NRG1: variants seen among roughly 807,000 people sequenced by gnomAD.
The protein encoded by NRG1 is pro-neuregulin-1, membrane-bound isoform.
A neutral mutation model predicts 63.8 loss-of-function variants in NRG1; 18 were observed. The ratio of observed to expected loss-of-function variants is 0.28; its 90% confidence interval spans 0.19 to 0.42. The LOEUF (loss-of-function observed/expected upper bound fraction) is 0.42, where lower values mean the gene tolerates loss of function less well. Among genes scored for constraint, NRG1 ranks in the 10% least tolerant of loss-of-function variants. The pLI, the probability that NRG1 is intolerant of heterozygous loss-of-function variation, is 1.00. For synonymous variants in NRG1, 302 were observed against 301.3 expected (o/e 1.00, Z -0.02); for missense variants, 762 against 814.7 (o/e 0.94, Z 0.79).
chr8:31,843,043 G>T (rs184035343), intron 1 of NRG1, among the ~76,000 whole-genome samples: 1 of 152,008 alleles, frequency 6.6e-6, no homozygotes. Flanking sequence ...AACTATAAAG[G>T]TTATTTTGCT....
chr8:32,254,183 A>C (rs1312910442), intron 1 of NRG1, among the ~76,000 whole-genome samples: 1 of 151,854 alleles, frequency 6.6e-6, no homozygotes, highest in South Asian at 2.1e-4. Flanking sequence ...TCATGTCTCT[A>C]TCTCCTTCCG....
At chr8:32,311,951 CT>C (rs900125485) in intron 1 of NRG1, among the ~76,000 whole-genome samples, 19 of 152,210 alleles carry the variant, frequency 1.2e-4, no homozygotes, top group African/African-American at 4.1e-4. Context: ...CTTCCGATTT[CT>C]TTTTTCTCTA....
At chr8:32,582,186 C>G (rs1840791585) in intron 1 of NRG1, among the ~76,000 whole-genome samples, 1 of 151,576 alleles carries the variant, frequency 6.6e-6, no homozygotes, top group Non-Finnish European at 1.5e-5. Flanking sequence ...AAGCCTAAAC[C>G]TCCTGGGCTC....
At chr8:32,048,200 G>A (rs929394196) in intron 1 of NRG1, among the ~76,000 whole-genome samples, 2 of 151,524 alleles carry the variant, frequency 1.3e-5, no homozygotes, top group Non-Finnish European at 2.9e-5. Context: ...GAATGGTGCT[G>A]CAGTAAACAC....
chr8:32,527,599 A>G (rs532088146), intron 1 of NRG1, among the ~76,000 whole-genome samples: 22 of 144,638 alleles, frequency 1.5e-4, no homozygotes, highest in Non-Finnish European at 2.5e-4. Context: ...GCTATTCAGT[A>G]TATCAGTATA....
chr8:32,758,686 CTT>C (rs1342415355), intron 9 of NRG1, among the ~76,000 whole-genome samples: 3 of 151,026 alleles, frequency 2.0e-5, no homozygotes, highest in Non-Finnish European at 4.4e-5. Context: ...ATATTATGTG[CTT>C]TGTCAAGATG....
intron 1 of NRG1, among the ~76,000 whole-genome samples, chr8:32,479,892 C>T (rs1039396317): frequency 1.3e-5 from 2 of 152,088 alleles, no homozygotes; most frequent in Admixed American, 6.5e-5. Flanking sequence ...TTGTGATGTA[C>T]CCACCTTGGC....
chr8:32,182,090 G>T (rs980638924), intron 1 of NRG1, among the ~76,000 whole-genome samples: 4 of 152,332 alleles, frequency 2.6e-5, no homozygotes, highest in Middle Eastern at 3.4e-3. Flanking sequence ...GATCAGCTGA[G>T]GTTGGCTGTT....
At chr8:32,705,745 G>A (rs138092463) in intron 5 of NRG1, among the ~76,000 whole-genome samples, 1 of 152,300 alleles carries the variant, frequency 6.6e-6, no homozygotes, top group East Asian at 1.9e-4. Flanking sequence ...CATCATTGGT[G>A]TATATCAAGT....
At chr8:31,906,615 AAG>A (rs1337285631) in intron 1 of NRG1, among the ~76,000 whole-genome samples, 4 of 152,174 alleles carry the variant, frequency 2.6e-5, no homozygotes, top group African/African-American at 9.6e-5. Flanking sequence ...CAGTACTTTT[AAG>A]AAAGAATTAT....
chr8:32,683,906 A>G (rs1259473295), intron 5 of NRG1, among the ~76,000 whole-genome samples: 2 of 150,294 alleles, frequency 1.3e-5, no homozygotes, highest in Admixed American at 6.6e-5. Flanking sequence ...AAAAAAAAAG[A>G]AAATCTGGCC....
Position 31,731,947 on chromosome 8 carries a change from A to G in NRG1, c.37+92516A>G, listed in dbSNP as rs1048927998. ...CCTCTGTCATGGGGTTGCTGTGAAGAGTCAGTAAGATGTAATCAACCAGCG... is the reference window on the plus strand; with the variant it reads ...CCTCTGTCATGGGGTTGCTGTGAAGGGTCAGTAAGATGTAATCAACCAGCG... On this transcript the variant is annotated intron_variant, in intron 1 of 10. Transcript: ENST00000519301. Among the ~76,000 whole-genome samples the G allele has an allele frequency of 2.6e-5, 4 of 152,218 alleles. No homozygotes were observed. The East Asian group carries it at 7.7e-4, about 29-fold the overall frequency.
intron 1 of NRG1, among the ~76,000 whole-genome samples, chr8:31,834,557 T>G (rs1209601083): frequency 6.6e-6 from 1 of 152,030 alleles, no homozygotes; most frequent in Non-Finnish European, 1.5e-5. Flanking sequence ...AATAATTTTC[T>G]AAGAATAGCT....
rs368254209 is a variant in NRG1 at position 31,666,380 on chromosome 8, TGA to T, written c.37+26957_37+26958del. The stretch of plus-strand genomic sequence containing the variant: ...TCAACATTTTCTACCCTGACATTGA[TGA>T]GAGAGAGGAAAGTGGGGAGGTGGTC... On this transcript the variant is annotated intron_variant, in intron 1 of 10. Coordinates refer to the NRG1 transcript ENST00000519301. 1.6e-4 allele frequency among the ~76,000 whole-genome samples: 25 copies of T among 152,194 alleles called. No homozygotes were observed. In the East Asian group the frequency reaches 4.1e-3, roughly 25 times the overall value.
Position 31,945,057 on chromosome 8 carries a change from A to C in NRG1, c.37+305626A>C, listed in dbSNP as rs545011131. On this transcript the variant is annotated intron_variant, in intron 1 of 10. Transcript: ENST00000519301. The stretch of plus-strand genomic sequence containing the variant: ...TTTACATGTATTCCTGTTCAGAGAC[A>C]GAGGGATGGATTACATAACATTCCC... Among the ~76,000 whole-genome samples, 6 of 152,314 alleles carry C rather than the reference A, an allele frequency of 3.9e-5. No individual in the cohort carries two copies. The South Asian group carries it at 1.2e-3, about 32-fold the overall frequency.
At chr8:31,775,586 A>G (rs1298657837) in intron 1 of NRG1, among the ~76,000 whole-genome samples, 1 of 152,140 alleles carries the variant, frequency 6.6e-6, no homozygotes, top group Non-Finnish European at 1.5e-5. Context: ...TCTTAAATAT[A>G]TTTTAAAAAT....
chr8:31,857,614 T>A (rs1333144803), intron 1 of NRG1, among the ~76,000 whole-genome samples: 1 of 152,238 alleles, frequency 6.6e-6, no homozygotes, highest in East Asian at 1.9e-4. Context: ...GAGCTGTTCC[T>A]ATTCGGCCAT....
chr8:32,408,667 C>T (rs1361108386), intron 1 of NRG1, among the ~76,000 whole-genome samples: 1 of 152,118 alleles, frequency 6.6e-6, no homozygotes, highest in Non-Finnish European at 1.5e-5. Flanking sequence ...CCACAAAGAA[C>T]AGGTTGTTCA....
chr8:32,430,787 G>GTTTTTTTTTTTTT (rs35752428), intron 1 of NRG1, among the ~76,000 whole-genome samples: 1 of 134,152 alleles, frequency 7.5e-6, no homozygotes, highest in Non-Finnish European at 1.6e-5. Flanking sequence ...AATGGTTTGG[G>GTTTTTTTTTTTTT]TTTTTTTTTT....
Sources: gnomAD v4.1 joint callset for allele counts (sites outside exome capture counted in the v4.1 genomes callset) on GRCh38, gnomAD v4.1.1 for gene constraint, MANE v1.5 for transcripts, NCBI Gene and HGNC (gene_info 2026-07-23, HGNC 2026-07-21) for gene names.